The following STAG1 variants were observed in gnomAD, a reference collection of about 807,000 sequenced individuals.
The protein encoded by STAG1 is cohesin subunit SA-1.
A neutral mutation model predicts 170.9 loss-of-function variants in STAG1; 26 were observed. That is an observed-to-expected ratio of 0.15 (90% confidence interval 0.11 to 0.21). The LOEUF (loss-of-function observed/expected upper bound fraction) is 0.21. STAG1 is among the 10% of genes least tolerant of loss of function. The probability of loss-of-function intolerance (pLI) is 1.00; values close to 1 mark genes in which losing one functional copy is unlikely to be tolerated. For missense variants in STAG1, 964 were observed against 1,509.5 expected, an observed-to-expected ratio of 0.64 and a Z score of 5.99; for synonymous variants, 514 against 497.7, an observed-to-expected ratio of 1.03 and a Z score of -0.44.
At chr3:136,390,725 A>G (rs1013908640) in intron 22 of STAG1, among the ~76,000 whole-genome samples, 1 of 152,230 alleles carries the variant, frequency 6.6e-6, no homozygotes, top group African/African-American at 2.4e-5. Context: ...CAAAGCAGTT[A>G]ACTCTGCAGA....
intron 24 of STAG1, among the ~76,000 whole-genome samples, chr3:136,368,584 T>G (rs1937169757): frequency 6.6e-6 from 1 of 152,126 alleles, no homozygotes; most frequent in South Asian, 2.1e-4. Flanking sequence ...AAATGACAAA[T>G]GTACACTACT....
chr3:136,375,997 T>TA (rs1937582037), intron 23 of STAG1, among the ~76,000 whole-genome samples: 8 of 60,982 alleles, frequency 1.3e-4, no homozygotes, highest in East Asian at 4.3e-3. Flanking sequence ...AATAAATAAA[T>TA]AAATAAATAA....
intron 10 of STAG1, among the ~76,000 whole-genome samples, chr3:136,476,775 C>T (rs1018597304): frequency 6.6e-6 from 1 of 152,066 alleles, no homozygotes; most frequent in Non-Finnish European, 1.5e-5. Flanking sequence ...ACTTATCACT[C>T]CTACCCATGG....
chr3:136,407,030 CTCTT>C (rs1331877987), intron 21 of STAG1, among the ~76,000 whole-genome samples: 1 of 151,856 alleles, frequency 6.6e-6, no homozygotes, highest in African/African-American at 2.4e-5. Flanking sequence ...TTTTTGCAAT[CTCTT>C]TTTTTTTTTG....
intron 4 of STAG1, among the ~76,000 whole-genome samples, chr3:136,600,751 T>TC (rs1938624748): frequency 6.6e-6 from 1 of 152,156 alleles, no homozygotes; most frequent in Non-Finnish European, 1.5e-5. Context: ...GCCAGGGTGG[T>TC]CTCAAACTCC....
chr3:136,661,619 C>T (rs1326909992), intron 1 of STAG1, among the ~76,000 whole-genome samples: 1 of 152,022 alleles, frequency 6.6e-6, no homozygotes, highest in Non-Finnish European at 1.5e-5. Flanking sequence ...AAAACCCCCC[C>T]AACCAAAAAA....
At chr3:136,702,849 C>A (rs1042771708) in intron 1 of STAG1, among the ~76,000 whole-genome samples, 1 of 151,990 alleles carries the variant, frequency 6.6e-6, no homozygotes, top group South Asian at 2.1e-4. Flanking sequence ...GCGGGCAGAT[C>A]ACGAGGTCAG....
intron 1 of STAG1, among the ~76,000 whole-genome samples, chr3:136,684,411 A>T (rs1942438845): frequency 6.6e-6 from 1 of 152,158 alleles, no homozygotes; most frequent in Admixed American, 6.6e-5. Flanking sequence ...CAAAGAAGCA[A>T]AGGTAATACA....
At chr3:136,470,263 TACAAAGAACTC>T (rs2089589967) in intron 12 of STAG1, among the ~76,000 whole-genome samples, 1 of 152,164 alleles carries the variant, frequency 6.6e-6, no homozygotes, top group Non-Finnish European at 1.5e-5. Flanking sequence ...ATCCAGAATT[TACAAAGAACTC>T]AAACAAATTT....
At chr3:136,579,958 ATTTTTTT>A (rs749325884) in intron 4 of STAG1, among the ~76,000 whole-genome samples, 119 of 73,646 alleles carry the variant, frequency 1.6e-3, no homozygotes, top group Non-Finnish European at 1.9e-3. Context: ...TACCATCTGA[ATTTTTTT>A]TTTTTTTTTT....
At chr3:136,386,237 G>A (rs1209201112) in intron 22 of STAG1, among the ~76,000 whole-genome samples, 1 of 152,126 alleles carries the variant, frequency 6.6e-6, no homozygotes, top group Non-Finnish European at 1.5e-5. Context: ...TACTCAGGAG[G>A]CTGAGGCAGG....
chr3:136,376,799 T>A (rs995601806), intron 23 of STAG1, among the ~76,000 whole-genome samples: 2 of 151,924 alleles, frequency 1.3e-5, no homozygotes, highest in East Asian at 2.0e-4. Flanking sequence ...TTCTTTTTTT[T>A]AATCTTTTTT....
chr3:136,747,921 T>C (rs968295555), intron 1 of STAG1, among the ~76,000 whole-genome samples: 1 of 150,438 alleles, frequency 6.6e-6, no homozygotes, highest in African/African-American at 2.4e-5. Flanking sequence ...GGACTACAGG[T>C]GCCCGCCACC....
At chr3:136,702,264 ATTTT>A (rs1473329588) in intron 1 of STAG1, among the ~76,000 whole-genome samples, 1 of 152,130 alleles carries the variant, frequency 6.6e-6, no homozygotes, top group Admixed American at 6.6e-5. Context: ...TTTTACATTT[ATTTT>A]TTAAGTAAAA....
intron 3 of STAG1, among the ~76,000 whole-genome samples, chr3:136,616,743 C>T (rs928832925): frequency 1.3e-5 from 2 of 152,048 alleles, no homozygotes; most frequent in Admixed American, 6.6e-5. Flanking sequence ...CTTGCCTCTA[C>T]AAAAACTTAG....
intron 16 of STAG1, among the ~76,000 whole-genome samples, chr3:136,432,875 C>G (rs2088349387): frequency 6.6e-6 from 1 of 152,216 alleles, no homozygotes; most frequent in African/African-American, 2.4e-5. Flanking sequence ...TCTTATCGAC[C>G]AAGCATGTGG....
At chr3:136,735,619 T>C (rs1176452873) in intron 1 of STAG1, among the ~76,000 whole-genome samples, 2 of 152,028 alleles carry the variant, frequency 1.3e-5, no homozygotes, top group Non-Finnish European at 2.9e-5. Flanking sequence ...TGCGTTTTTT[T>C]ATTTTTTAGT....
At chr3:136,694,114 T>C (rs984797876) in intron 1 of STAG1, among the ~76,000 whole-genome samples, 3 of 152,204 alleles carry the variant, frequency 2.0e-5, no homozygotes, top group African/African-American at 7.2e-5. Flanking sequence ...TTCATTTGGC[T>C]CTAGGATACA....
chr3:136,569,000 C>A, intron 4 of STAG1, 139 bp from the exon 5 acceptor site: 1 of 618,734 alleles, frequency 1.6e-6, no homozygotes, highest in Non-Finnish European at 2.8e-6. Flanking sequence ...TTCTCTGTAG[C>A]CTAATAAAAG....
Sources: gnomAD v4.1 joint callset for allele counts (sites outside exome capture counted in the v4.1 genomes callset) on GRCh38, gnomAD v4.1.1 for gene constraint, MANE v1.5 for transcripts, NCBI Gene and HGNC (gene_info 2026-07-23, HGNC 2026-07-21) for gene names.